Variants in ACTR3C observed in about 807,000 individuals in gnomAD.
ACTR3C encodes actin-related protein 3C.
ACTR3C carries 18 observed loss-of-function variants against 26.3 expected under a neutral mutation model. That is an observed-to-expected ratio of 0.68 (90% CI 0.47 to 1.01). The LOEUF is 1.01. ACTR3C is among the 50% of genes least tolerant of loss of function. The pLI, the probability that ACTR3C is intolerant of heterozygous loss-of-function variation, is 0.00. For missense variants in ACTR3C, 184 were observed against 250.7 expected (o/e 0.73, Z 1.80); for synonymous variants, 55 against 94.5 (o/e 0.58, Z 2.42).
the ACTR3C span, among the ~76,000 whole-genome samples, chr7:150,210,016 A>T: frequency 1.3e-5 from 2 of 151,238 alleles, no homozygotes; most frequent in South Asian, 4.2e-4. Context: ...TTTATGAAAA[A>T]CTCTCAACTC....
chr7:150,034,316 G>A, the ACTR3C span, among the ~76,000 whole-genome samples: 1 of 151,600 alleles, frequency 6.6e-6, no homozygotes, highest in African/African-American at 2.4e-5. Context: ...CCACAGTTTG[G>A]GTTAAAAGTC....
downstream of ACTR3C, among the ~76,000 whole-genome samples, chr7:150,240,489 G>T (rs568005326): frequency 1.3e-5 from 2 of 152,076 alleles, no homozygotes; most frequent in Admixed American, 6.5e-5. Context: ...CTAGATGACA[G>T]GTTGATGGGT....
At chr7:150,048,816 C>T in the ACTR3C span, among the ~76,000 whole-genome samples, 117 of 152,288 alleles carry the variant, frequency 7.7e-4, 2 homozygotes, top group East Asian at 3.7e-3. Flanking sequence ...GCCGCCCTCC[C>T]TCCACAGCCC....
At chr7:150,302,239 A>T (rs535109611) in intron 1 of ACTR3C, among the ~76,000 whole-genome samples, 1 of 152,376 alleles carries the variant, frequency 6.6e-6, no homozygotes, top group African/African-American at 2.4e-5. Context: ...CCATTAAATG[A>T]TCAAAAATAA....
chr7:150,041,203 C>T, the ACTR3C span, among the ~76,000 whole-genome samples: 1 of 150,434 alleles, frequency 6.6e-6, no homozygotes, highest in Non-Finnish European at 1.5e-5. Context: ...AGTTCCGGGT[C>T]CCCGACCCCT....
chr7:150,278,350 G>T (rs746700945), intron 6 of ACTR3C, among the ~76,000 whole-genome samples: 3 of 152,242 alleles, frequency 2.0e-5, no homozygotes, highest in Non-Finnish European at 4.4e-5. Context: ...TTCCTCAGCT[G>T]CACCAGTCAC....
the ACTR3C span, among the ~76,000 whole-genome samples, chr7:150,083,324 G>C: frequency 6.6e-6 from 1 of 151,904 alleles, no homozygotes; most frequent in Non-Finnish European, 1.5e-5. Context: ...CCAGCACTTT[G>C]GGAGGTCGAG....
chr7:149,895,937 C>T, the ACTR3C span, among the ~76,000 whole-genome samples: 13 of 151,276 alleles, frequency 8.6e-5, no homozygotes, highest in East Asian at 2.5e-3. Flanking sequence ...GTGGCTCACA[C>T]CTGTAATCCC....
At chr7:149,966,422 T>C in the ACTR3C span, among the ~76,000 whole-genome samples, 27 of 152,344 alleles carry the variant, frequency 1.8e-4, no homozygotes, top group Non-Finnish European at 1.5e-5. Context: ...CCTCATGGCA[T>C]CCAGCACTCA....
the ACTR3C span, among the ~76,000 whole-genome samples, chr7:149,931,125 C>A: frequency 3.9e-5 from 6 of 152,250 alleles, no homozygotes; most frequent in Admixed American, 3.3e-4. Context: ...CTCAGACTCC[C>A]AAATTGCTGG....
the ACTR3C span, among the ~76,000 whole-genome samples, chr7:150,127,753 C>T: frequency 1.0e-3 from 155 of 151,910 alleles, no homozygotes; most frequent in Non-Finnish European, 1.3e-4. Flanking sequence ...AGTAAACCTA[C>T]TTTCCTCTAT....
chr7:150,118,097 A>G, the ACTR3C span, among the ~76,000 whole-genome samples: 458 of 152,310 alleles, frequency 3.0e-3, 1 homozygote, highest in African/African-American at 0.01. Flanking sequence ...AACATCAAAT[A>G]CCAAAGGTAG....
chr7:149,991,493 G>A, the ACTR3C span, among the ~76,000 whole-genome samples: 2 of 152,332 alleles, frequency 1.3e-5, no homozygotes, highest in Admixed American at 1.3e-4. Context: ...GCAGTGAGCA[G>A]CCTTGGCAGG....
At chr7:150,221,522 C>T in the ACTR3C span, among the ~76,000 whole-genome samples, 3 of 152,156 alleles carry the variant, frequency 2.0e-5, no homozygotes, top group African/African-American at 7.2e-5. Flanking sequence ...AAATTTTATC[C>T]AGGCAGATAT....
At chr7:150,043,606 AGAGG>A in the ACTR3C span, among the ~76,000 whole-genome samples, 3 of 152,218 alleles carry the variant, frequency 2.0e-5, no homozygotes, top group Non-Finnish European at 4.4e-5. Context: ...TGGGATCAAG[AGAGG>A]GCAACATTGC....
chr7:150,020,096 C>T, the ACTR3C span, among the ~76,000 whole-genome samples: 9 of 152,206 alleles, frequency 5.9e-5, no homozygotes, highest in South Asian at 1.9e-3. Context: ...ACAATCACTA[C>T]ACAAACAGTG....
At chr7:150,307,426 A>C (rs982088596) in intron 1 of ACTR3C, among the ~76,000 whole-genome samples, 4 of 152,146 alleles carry the variant, frequency 2.6e-5, no homozygotes, top group Admixed American at 1.3e-4. Flanking sequence ...TCCCTGCCCT[A>C]CCTTAACTGA....
chr7:150,290,708 C>G (rs1300654895), intron 3 of ACTR3C, among the ~76,000 whole-genome samples: 1 of 152,136 alleles, frequency 6.6e-6, no homozygotes, highest in Admixed American at 6.6e-5. Flanking sequence ...AAAGATTTAG[C>G]CTTTCTGCAG....
chr7:149,947,105 T>A, the ACTR3C span, among the ~76,000 whole-genome samples: 434 of 151,694 alleles, frequency 2.9e-3, 2 homozygotes, highest in Non-Finnish European at 5.0e-3. Flanking sequence ...GTCCTACACA[T>A]CACTGAGTCA....
Sources: gnomAD v4.1 joint callset for allele counts (sites outside exome capture counted in the v4.1 genomes callset) on GRCh38, gnomAD v4.1.1 for gene constraint, MANE v1.5 for transcripts, NCBI Gene and HGNC (gene_info 2026-07-23, HGNC 2026-07-21) for gene names.